The following C1orf185 variants were observed in gnomAD, a reference collection of about 807,000 sequenced individuals.
The protein encoded by C1orf185 is uncharacterized protein C1orf185.
In C1orf185, 13 loss-of-function variants were observed where a neutral mutation model predicts 16.1. The ratio of observed to expected loss-of-function variants is 0.81; its 90% CI spans 0.53 to 1.28. The LOEUF is 1.28. Ranked by LOEUF, C1orf185 falls within the 50% of genes most tolerant of loss-of-function variation. The pLI is 0.00. For missense variants in C1orf185, 220 were observed against 225.2 expected (o/e 0.98, Z 0.15); for synonymous variants, 80 against 76.9 (o/e 1.04, Z -0.21).
At chr1:51,141,124 C>T (rs967252244) in intron 3 of C1orf185, among the ~76,000 whole-genome samples, 4 of 152,118 alleles carry the variant, frequency 2.6e-5, no homozygotes, top group African/African-American at 7.2e-5. Context: ...AATAAATTTT[C>T]CTCTAGGAAA....
chr1:51,143,083 A>G (rs914474956), intron 3 of C1orf185, among the ~76,000 whole-genome samples: 7 of 152,074 alleles, frequency 4.6e-5, no homozygotes, highest in African/African-American at 1.7e-4. Context: ...AGTATTATTA[A>G]TTAGAGATTT....
At chr1:51,151,262 C>T (rs2148036968), downstream of C1orf185, among the ~76,000 whole-genome samples, 1 of 152,244 alleles carries the variant, frequency 6.6e-6, no homozygotes, top group African/African-American at 2.4e-5. Context: ...TCAGGACTTT[C>T]CCTATTTCTA....
intron 2 of C1orf185, among the ~76,000 whole-genome samples, chr1:51,113,005 G>C (rs1255017803): frequency 6.6e-6 from 1 of 151,794 alleles, no homozygotes; most frequent in African/African-American, 2.4e-5. Flanking sequence ...TTTTAGTAGA[G>C]ACGGGGTTTC....
At chr1:51,141,547 T>C (rs1265406227) in intron 3 of C1orf185, among the ~76,000 whole-genome samples, 1 of 152,062 alleles carries the variant, frequency 6.6e-6, no homozygotes, top group Non-Finnish European at 1.5e-5. Flanking sequence ...CTCCAAACTT[T>C]AGAGGTTTAG....
At chr1:51,135,727 T>C (rs1238584286) in intron 3 of C1orf185, among the ~76,000 whole-genome samples, 1 of 152,172 alleles carries the variant, frequency 6.6e-6, no homozygotes, top group Non-Finnish European at 1.5e-5. Flanking sequence ...GCTGGAAGCA[T>C]TGCCCTTGAA....
At chr1:51,146,451 T>G (rs1465083483) in intron 4 of C1orf185, among the ~76,000 whole-genome samples, 1 of 147,680 alleles carries the variant, frequency 6.8e-6, no homozygotes, top group Non-Finnish European at 1.5e-5. Context: ...AGAGCAAGAC[T>G]GTCTCAAAAA....
Position 51,118,732 on chromosome 1 carries a change from G to A in C1orf185, c.189G>A (p.Ala63=), listed in dbSNP as rs12081902. 3,424 of 1,492,626 alleles carry A rather than the reference G, an allele frequency of 2.3e-3. 72 individuals carry two copies. In the African/African-American group the frequency reaches 0.043, roughly 19 times the overall value. 92.5% of individuals were successfully genotyped at this position (1,492,626 alleles called of 1,614,324 possible). A position where few individuals can be genotyped will look rare whatever the true frequency, so the allele number is the denominator to read the frequency against. ...DERCRQRPSM[A]KIKSHSQCVF... ...GATGCAGGCAAAGACCATCAATGGC[G>A]AAGATTAAATCTCATTCTCAGTGTG... Residue 63 remains alanine, a synonymous_variant, in exon 3 of 5, where the codon GCG becomes GCA. Coordinates refer to ENST00000371759, the MANE Select transcript of C1orf185 (RefSeq NM_001136508.2).
At chr1:51,134,852 G>T (rs1646311703) in intron 3 of C1orf185, among the ~76,000 whole-genome samples, 1 of 152,108 alleles carries the variant, frequency 6.6e-6, no homozygotes, top group Non-Finnish European at 1.5e-5. Context: ...TCAGTCAGTG[G>T]TAAATAGCCT....
chr1:51,144,833 G>A (rs779248420), intron 3 of C1orf185, among the ~76,000 whole-genome samples: 6 of 152,236 alleles, frequency 3.9e-5, no homozygotes, highest in Non-Finnish European at 8.8e-5. Context: ...AACATAAGAC[G>A]TGATACTATT....
intron 1 of C1orf185, 87 bp from the exon 2 acceptor site, chr1:51,112,377 G>T (rs1474893802): frequency 2.8e-6 from 3 of 1,055,016 alleles, no homozygotes; most frequent in Non-Finnish European, 4.1e-6. Flanking sequence ...ACTACAACAT[G>T]CTATATCATT....
chr1:51,138,620 C>T (rs1009505626), intron 3 of C1orf185, among the ~76,000 whole-genome samples: 14 of 152,010 alleles, frequency 9.2e-5, no homozygotes, highest in African/African-American at 3.1e-4. Context: ...TCTCAATCTC[C>T]TGACTTCATG....
chr1:51,127,004 A>C (rs892167908), intron 3 of C1orf185, among the ~76,000 whole-genome samples: 4 of 151,866 alleles, frequency 2.6e-5, no homozygotes, highest in Non-Finnish European at 5.9e-5. Flanking sequence ...CATTATTTAT[A>C]ACTTGGGTTA....
intron 3 of C1orf185, among the ~76,000 whole-genome samples, chr1:51,143,296 G>A (rs569723987): frequency 1.3e-5 from 2 of 152,238 alleles, no homozygotes; most frequent in African/African-American, 4.8e-5. Context: ...TAGCAAAATG[G>A]TGATTTTCCA....
intron 4 of C1orf185, among the ~76,000 whole-genome samples, chr1:51,146,047 T>C (rs558152708): frequency 6.6e-6 from 1 of 152,342 alleles, no homozygotes; most frequent in African/African-American, 2.4e-5. Flanking sequence ...GATAAAAAGA[T>C]GTTGCATATT....
At position 51,103,408 on chromosome 1, in the gene C1orf185, AAAACAC is replaced by A. The variant is rs1246656077; in HGVS notation, c.16+1161_16+1166del. On this transcript the variant is annotated intron_variant, in intron 1 of 4. Transcript: ENST00000371759. The stretch of plus-strand genomic sequence containing the variant: ...GCAACAGAGTGAGATCTTGTCTCGA[AAAACAC>A]ACACACACACACACACACACACACA... Among the ~76,000 whole-genome samples the A allele has an allele frequency of 3.6e-4, 6 of 16,824 alleles. No homozygotes were observed. The East Asian group carries it at 0.014, about 40-fold the overall frequency. 11.0% of individuals were successfully genotyped at this position (16,824 alleles called of 152,430 possible).
chr1:51,136,239 A>C (rs922179566), intron 3 of C1orf185, among the ~76,000 whole-genome samples: 9 of 152,218 alleles, frequency 5.9e-5, no homozygotes, highest in African/African-American at 1.9e-4. Context: ...TGCCCAAAAC[A>C]ATTTATAGAT....
intron 3 of C1orf185, among the ~76,000 whole-genome samples, chr1:51,141,283 A>G (rs1207746975): frequency 6.6e-6 from 1 of 152,176 alleles, no homozygotes; most frequent in African/African-American, 2.4e-5. Flanking sequence ...TGAGCCCAAG[A>G]GTTAAAGACT....
intron 4 of C1orf185, among the ~76,000 whole-genome samples, chr1:51,146,880 A>G (rs1471999768): frequency 6.6e-6 from 1 of 152,188 alleles, no homozygotes; most frequent in Non-Finnish European, 1.5e-5. Context: ...ACCCTTCCCA[A>G]TGCAGACCAA....
intron 2 of C1orf185, among the ~76,000 whole-genome samples, chr1:51,117,853 G>A (rs1646168871): frequency 1.3e-5 from 2 of 152,026 alleles, no homozygotes; most frequent in Non-Finnish European, 2.9e-5. Flanking sequence ...CTTACTTGTG[G>A]TTGCATGGAT....
Sources: allele counts gnomAD v4.1 joint callset (sites outside exome capture counted in the v4.1 genomes callset), GRCh38; gene constraint gnomAD v4.1.1; transcripts MANE v1.5; gene names NCBI Gene and HGNC (gene_info 2026-07-23, HGNC 2026-07-21).